Variants in KALRN observed in about 807,000 individuals in gnomAD.
The protein encoded by KALRN is kalirin.
A neutral mutation model predicts 353.7 loss-of-function variants in KALRN; 70 were observed. The observed-to-expected ratio is 0.20, with a 90% CI of 0.16 to 0.24. The LOEUF (loss-of-function observed/expected upper bound fraction) is 0.24. Ranked by LOEUF, KALRN falls within the 10% of genes least tolerant of loss-of-function variation. The probability of loss-of-function intolerance (pLI) is 1.00; values close to 1 mark genes in which losing one functional copy is unlikely to be tolerated. For synonymous variants in KALRN, 1,391 were observed against 1,434.8 expected, an observed-to-expected ratio of 0.97 and a Z score of 0.69; for missense variants, 2,791 against 3,756.7, an observed-to-expected ratio of 0.74 and a Z score of 6.72.
intron 28 of KALRN, among the ~76,000 whole-genome samples, chr3:124,483,954 T>C (rs972025613): frequency 6.6e-6 from 1 of 152,170 alleles, no homozygotes; most frequent in Non-Finnish European, 1.5e-5. Context: ...CCCCCATCTA[T>C]ATTAATACCT....
chr3:124,674,913 A>G, intron 49 of KALRN: 1 of 238,948 alleles, frequency 4.2e-6, no homozygotes. Flanking sequence ...CTGAAACCCT[A>G]GGTGACAAAA....
chr3:124,225,834 GA>G, intron 1 of KALRN, among the ~76,000 whole-genome samples: 2 of 152,158 alleles, frequency 1.3e-5, no homozygotes, highest in South Asian at 4.1e-4. Context: ...GACAGCAGTA[GA>G]AAAAAATAGG....
intron 1 of KALRN, among the ~76,000 whole-genome samples, chr3:124,184,887 G>A (rs1371631525): frequency 6.6e-6 from 1 of 152,158 alleles, no homozygotes. Flanking sequence ...AGATAGGTGG[G>A]GATGAGCCTG....
chr3:124,705,822 CCCTTCCTTCCTTCCTT>C (rs373858046), intron 57 of KALRN, among the ~76,000 whole-genome samples: 1 of 144,666 alleles, frequency 6.9e-6, no homozygotes, highest in Non-Finnish European at 1.5e-5. Context: ...CTTCCTTCCT[CCCTTCCTTCCTTCCTT>C]CCTTCCTTCC....
At chr3:124,373,342 A>G (rs184027050) in intron 10 of KALRN, among the ~76,000 whole-genome samples, 77 of 152,266 alleles carry the variant, frequency 5.1e-4, no homozygotes, top group African/African-American at 1.8e-3. Flanking sequence ...TGATTATTAC[A>G]TCTGGGGAAG....
chr3:124,145,387 C>G (rs149551972), intron 1 of KALRN, among the ~76,000 whole-genome samples: 3 of 152,204 alleles, frequency 2.0e-5, no homozygotes, highest in African/African-American at 7.2e-5. Context: ...CACCCCAGAT[C>G]AATGACATTA....
rs575061959 is a variant in KALRN, at chr3:124,687,831, A to G, written c.7378-5973A>G. Among the ~76,000 whole-genome samples, 15 of 152,280 alleles carry G rather than the reference A, an allele frequency of 9.9e-5. No homozygotes were observed. The South Asian group carries it at 1.5e-3, about 15-fold the overall frequency. On this transcript the variant is annotated intron_variant, in intron 51 of 59. Coordinates refer to ENST00000682506, the MANE Select transcript of KALRN (RefSeq NM_001388419.1). ...AAAAATCTCACATCTTTGGAAATGT[A>G]AAAACATACTCATTACAACTGGGTA...
intron 13 of KALRN, among the ~76,000 whole-genome samples, chr3:124,411,551 C>T (rs1367209488): frequency 6.9e-6 from 1 of 145,446 alleles, no homozygotes; most frequent in East Asian, 2.1e-4. Flanking sequence ...AAGTGATTCT[C>T]CTGCCTCAGC....
At chr3:124,118,226 A>C (rs1384986981) in intron 1 of KALRN, among the ~76,000 whole-genome samples, 2 of 151,630 alleles carry the variant, frequency 1.3e-5, no homozygotes, top group African/African-American at 4.9e-5. Flanking sequence ...CAGGGAGACT[A>C]CGTGGTGGGA....
At chr3:124,439,201 C>T (rs537045061) in intron 18 of KALRN, among the ~76,000 whole-genome samples, 164 bp downstream of exon 18, 1,342 of 17,966 alleles carry the variant, frequency 0.075, 32 homozygotes, top group African/African-American at 0.17. Context: ...CTCTCTCTCT[C>T]ACACACACAC....
At chr3:124,330,226 T>C (rs2080367958) in intron 8 of KALRN, among the ~76,000 whole-genome samples, 1 of 138,368 alleles carries the variant, frequency 7.2e-6, no homozygotes, top group African/African-American at 3.0e-5. Flanking sequence ...GCACTCGCAT[T>C]CATTCTCTCT....
rs564459929 is a variant in KALRN, at chr3:124,294,422, T to C, written c.970-4369T>C. Among the ~76,000 whole-genome samples, 49 of 152,108 alleles carry C rather than the reference T, an allele frequency of 3.2e-4. 1 individual carries two copies. The South Asian group carries it at 0.01, about 31-fold the overall frequency. Reference sequence around the variant, plus strand: ...GGCCTGATGATAGCACCTTGTGGGATTGTTTTATGGATGCAATGTAATGAT... The same window carrying C: ...GGCCTGATGATAGCACCTTGTGGGACTGTTTTATGGATGCAATGTAATGAT... On this transcript the variant is annotated intron_variant, in intron 5 of 59. Transcript: ENST00000682506.
chr3:124,460,697 C>A (rs1010529728), intron 23 of KALRN, among the ~76,000 whole-genome samples: 2 of 152,208 alleles, frequency 1.3e-5, no homozygotes, highest in Non-Finnish European at 2.9e-5. Context: ...GAGGCAAGTC[C>A]TACCTCTGGT....
At chr3:124,211,861 A>G (rs1469307343) in intron 1 of KALRN, among the ~76,000 whole-genome samples, 1 of 152,138 alleles carries the variant, frequency 6.6e-6, no homozygotes, top group African/African-American at 2.4e-5. Context: ...GCATAGGGCC[A>G]TCTCTGGGGA....
intron 3 of KALRN, among the ~76,000 whole-genome samples, chr3:124,238,514 C>T (rs906122422): frequency 9.9e-5 from 15 of 152,108 alleles, no homozygotes; most frequent in Admixed American, 3.3e-4. Context: ...TTTCCTGCCC[C>T]GAATTCTAGG....
chr3:124,139,893 T>C (rs1390646836), intron 1 of KALRN, among the ~76,000 whole-genome samples: 1 of 152,138 alleles, frequency 6.6e-6, no homozygotes, highest in Admixed American at 6.5e-5. Context: ...CACCTTGATC[T>C]CTCTAACTCT....
At chr3:124,538,492 T>G (rs371035015) in intron 33 of KALRN, among the ~76,000 whole-genome samples, 134 of 152,250 alleles carry the variant, frequency 8.8e-4, no homozygotes, top group African/African-American at 3.1e-3. Context: ...GTATTCTGGG[T>G]CAAAATGACA....
At chr3:124,630,279 G>A (rs62265576) in intron 34 of KALRN, among the ~76,000 whole-genome samples, 26,778 of 152,042 alleles carry the variant, frequency 0.18, 2,752 homozygotes, top group Middle Eastern at 0.28. Context: ...CCATGGCAGC[G>A]TGGCTTTCCC....
intron 3 of KALRN, among the ~76,000 whole-genome samples, chr3:124,253,537 G>A (rs2071470956): frequency 6.6e-6 from 1 of 152,194 alleles, no homozygotes; most frequent in African/African-American, 2.4e-5. Flanking sequence ...TGCACTGTCA[G>A]CCCTGTAGGA....
Sources: allele counts gnomAD v4.1 joint callset (sites outside exome capture counted in the v4.1 genomes callset), GRCh38; gene constraint gnomAD v4.1.1; transcripts MANE v1.5; gene names NCBI Gene and HGNC (gene_info 2026-07-23, HGNC 2026-07-21).